SUPT3H: variants seen among roughly 807,000 people sequenced by gnomAD.
SUPT3H encodes the protein SPT3 homolog, SAGA and STAGA complex component, also known as transcription initiation protein SPT3 homolog.
Under a neutral mutation model 44.3 loss-of-function variants are expected in SUPT3H, and 44 were observed. The observed-to-expected ratio is 0.99, with a 90% CI of 0.78 to 1.28. SUPT3H has a LOEUF of 1.28. Ranked by LOEUF, SUPT3H falls within the 50% of genes most tolerant of loss-of-function variation. The pLI is 0.00. For synonymous variants in SUPT3H, 124 were observed against 125.6 expected, an observed-to-expected ratio of 0.99 and a Z score of 0.09; for missense variants, 380 against 387.1, an observed-to-expected ratio of 0.98 and a Z score of 0.15.
intron 2 of SUPT3H, among the ~76,000 whole-genome samples, chr6:45,293,169 C>G (rs1780583132): frequency 6.6e-6 from 1 of 152,058 alleles, no homozygotes; most frequent in Admixed American, 6.6e-5. Context: ...AACTGGAAAT[C>G]AACCCCAAAA....
intron 10 of SUPT3H, among the ~76,000 whole-genome samples, chr6:44,888,008 A>G (rs1303882945): frequency 6.6e-6 from 1 of 152,226 alleles, no homozygotes. Flanking sequence ...CAAATAAACT[A>G]GAAAATCTAG....
intron 2 of SUPT3H, among the ~76,000 whole-genome samples, chr6:45,169,852 A>G (rs578055863): frequency 2.0e-5 from 3 of 152,336 alleles, no homozygotes; most frequent in South Asian, 2.1e-4. Flanking sequence ...AAAATCAGTT[A>G]AGAGGATAAA....
intron 1 of SUPT3H, among the ~76,000 whole-genome samples, chr6:45,367,768 T>C (rs189996754): frequency 1.2e-4 from 19 of 152,348 alleles, no homozygotes; most frequent in Admixed American, 8.5e-4. Flanking sequence ...TGGAGCAATC[T>C]GCTCCTTTTT....
At chr6:45,297,747 T>C (rs116462126) in intron 2 of SUPT3H, among the ~76,000 whole-genome samples, 177 of 152,250 alleles carry the variant, frequency 1.2e-3, no homozygotes, top group African/African-American at 4.0e-3. Flanking sequence ...TAATGGTATA[T>C]AAAATTTTAA....
intron 8 of SUPT3H, among the ~76,000 whole-genome samples, chr6:44,953,865 T>G (rs1200533606): frequency 1.3e-5 from 2 of 152,156 alleles, no homozygotes; most frequent in Non-Finnish European, 2.9e-5. Context: ...CCTGAGTAGC[T>G]GGGACTACAG....
rs911318310 is a variant in SUPT3H at position 45,095,287 on chromosome 6, CA to C, written c.186+10634del. 7.9e-5 allele frequency among the ~76,000 whole-genome samples: 12 copies of C among 152,194 alleles called. No individual in the cohort carries two copies. Among genetic ancestry groups the C allele is most frequent in the African/African-American group, 2.6e-4 (11 of 41,528 alleles). On this transcript the variant is annotated intron_variant, in intron 3 of 10. Transcript: ENST00000371459. This position sits in a 1 kb window ranked among gnomAD's most constrained non-coding sequence, Gnocchi z 4.1. ...GATAACCCTTATAATTGAAATTCTA[CA>C]TAGGAAACTTTATTACTATTTTAAA...
intron 3 of SUPT3H, among the ~76,000 whole-genome samples, chr6:45,052,951 G>C (rs1422804208): frequency 6.6e-6 from 1 of 151,976 alleles, no homozygotes; most frequent in Non-Finnish European, 1.5e-5. Context: ...AGAGGAAAAA[G>C]GAAGAGGGAG....
At chr6:44,901,124 C>T (rs576264468) in intron 10 of SUPT3H, among the ~76,000 whole-genome samples, 2 of 151,624 alleles carry the variant, frequency 1.3e-5, no homozygotes, top group East Asian at 3.9e-4. Context: ...ACCTCTCCTC[C>T]TCCAAAGGAA....
chr6:45,257,056 C>T (rs1444018482), intron 2 of SUPT3H, among the ~76,000 whole-genome samples: 1 of 152,168 alleles, frequency 6.6e-6, no homozygotes, highest in African/African-American at 2.4e-5. Flanking sequence ...TTCTTACTAG[C>T]AGTGTATGAG....
chr6:44,850,038 G>A (rs1419265984), intron 10 of SUPT3H, among the ~76,000 whole-genome samples: 2 of 152,218 alleles, frequency 1.3e-5, no homozygotes, highest in Non-Finnish European at 2.9e-5. Context: ...CAAGTCTGAG[G>A]AGTTGCAGAG....
At chr6:45,088,460 G>C (rs189577953) in intron 3 of SUPT3H, among the ~76,000 whole-genome samples, 1 of 152,086 alleles carries the variant, frequency 6.6e-6, no homozygotes, top group East Asian at 1.9e-4. Context: ...ACCAGTGTTA[G>C]GTCATTTACA....
chr6:45,292,087 T>TA (rs1780401128), intron 2 of SUPT3H, among the ~76,000 whole-genome samples: 1 of 152,160 alleles, frequency 6.6e-6, no homozygotes, highest in Admixed American at 6.5e-5. Context: ...TAACAGCAGA[T>TA]ACCTAAGCAG....
intron 3 of SUPT3H, among the ~76,000 whole-genome samples, chr6:45,068,290 A>G (rs968407509): frequency 1.5e-5 from 2 of 132,540 alleles, no homozygotes; most frequent in Non-Finnish European, 3.1e-5. Context: ...AGGAAGGGGA[A>G]TATCACACTC....
intron 10 of SUPT3H, among the ~76,000 whole-genome samples, chr6:44,837,332 G>T (rs1461173603): frequency 6.6e-6 from 1 of 152,188 alleles, no homozygotes; most frequent in Non-Finnish European, 1.5e-5. Flanking sequence ...CCCAATGCAT[G>T]AAATAAATTA....
intron 3 of SUPT3H, among the ~76,000 whole-genome samples, chr6:45,094,427 T>C (rs1257466786): frequency 6.6e-6 from 1 of 152,062 alleles, no homozygotes; most frequent in Non-Finnish European, 1.5e-5. Flanking sequence ...TGAAAAACAA[T>C]TTATACTCTG....
intron 2 of SUPT3H, among the ~76,000 whole-genome samples, chr6:45,351,395 T>A: frequency 1.3e-5 from 2 of 151,192 alleles, no homozygotes; most frequent in South Asian, 2.1e-4. Flanking sequence ...TTTAAAACAA[T>A]CCCCATAATC....
chr6:45,119,186 A>G (rs970093627), intron 2 of SUPT3H, among the ~76,000 whole-genome samples: 11 of 152,170 alleles, frequency 7.2e-5, no homozygotes, highest in African/African-American at 4.8e-5. Context: ...CCACTCCTAG[A>G]TGCTTCCATA....
intron 10 of SUPT3H, among the ~76,000 whole-genome samples, chr6:44,836,485 G>A (rs1336287824): frequency 3.3e-5 from 5 of 152,072 alleles, no homozygotes; most frequent in Non-Finnish European, 5.9e-5. Flanking sequence ...TCTCATTGTA[G>A]TCCATGTAAC....
intron 9 of SUPT3H, among the ~76,000 whole-genome samples, chr6:44,946,600 G>A (rs527247538): frequency 3.3e-5 from 5 of 152,312 alleles, no homozygotes; most frequent in African/African-American, 1.2e-4. Context: ...AGAACTAAAA[G>A]TGCAGCCTGA....
Sources: allele counts gnomAD v4.1 joint callset (sites outside exome capture counted in the v4.1 genomes callset), GRCh38; gene constraint gnomAD v4.1.1; non-coding constraint Gnocchi (gnomAD v3.1); transcripts MANE v1.5; gene names NCBI Gene and HGNC (gene_info 2026-07-23, HGNC 2026-07-21).